The following SEZ6L2 variants were observed in gnomAD, a reference collection of about 807,000 sequenced individuals.
The protein encoded by SEZ6L2 is seizure related 6 homolog like 2, also known as seizure 6-like protein 2.
In SEZ6L2, 44 loss-of-function variants were observed where a neutral mutation model predicts 97.0. That is an observed-to-expected ratio of 0.45 (90% CI 0.36 to 0.58). SEZ6L2 has a LOEUF of 0.58. Ranked by LOEUF, SEZ6L2 falls within the 20% of genes least tolerant of loss-of-function variation. The pLI, the probability that SEZ6L2 is intolerant of heterozygous loss-of-function variation, is 0.00. For missense variants in SEZ6L2, 1,086 were observed against 1,233.3 expected, an observed-to-expected ratio of 0.88 and a Z score of 1.79; for synonymous variants, 543 against 546.1, an observed-to-expected ratio of 0.99 and a Z score of 0.08.
chr16:29,888,753 G>A lies in SEZ6L2; in HGVS notation c.854-28C>T, dbSNP rs375959718. ...GCACCAGACAGACAGCGGGTAGCAG[G>A]GCTCACTTTCCCATGCCACCCTCTC... On this transcript the variant is annotated intron_variant, in intron 5 of 17. Coordinates refer to ENST00000617533, the MANE Select transcript of SEZ6L2 (RefSeq NM_001243332.2). The A allele has an allele frequency of 3.2e-5, 51 of 1,586,138 alleles. 2 individuals carry two copies. The African/African-American group carries it at 4.7e-4, about 15-fold the overall frequency.
chr16:29,876,953 G>T lies in SEZ6L2; in HGVS notation c.1910-3C>A. 3 of 1,592,538 alleles carry T rather than the reference G, an allele frequency of 1.9e-6. No individual in the cohort carries two copies. Among genetic ancestry groups the T allele is most frequent in the Non-Finnish European group, 2.6e-6 (3 of 1,164,706 alleles). Reference sequence around the variant, plus strand: ...GCACGTGTCGTTCCTCGGGACCTCTGCAGGGGAGGGAAGGCGAGTTTGGAG... The same window carrying T: ...GCACGTGTCGTTCCTCGGGACCTCTTCAGGGGAGGGAAGGCGAGTTTGGAG... On this transcript the variant is annotated splice_polypyrimidine_tract_variant and splice_region_variant and intron_variant, in intron 11 of 17. Transcript: ENST00000617533. The surrounding 1 kb of genome is among the most constrained non-coding windows in gnomAD (Gnocchi z 6.5).
chr16:29,873,913 G>A lies in SEZ6L2; in HGVS notation c.2105-184C>T, dbSNP rs2067844212. On this transcript the variant is annotated intron_variant, in intron 12 of 17. Coordinates refer to ENST00000617533, the MANE Select transcript of SEZ6L2 (RefSeq NM_001243332.2). The surrounding 1 kb of genome is among the most constrained non-coding windows in gnomAD (Gnocchi z 4.3). ...CGCTCGAACCCAGCAGGTCGAGGCT[G>A]CAGTGAATGGTGACCACGCTACTGC... Among the ~76,000 whole-genome samples the A allele has an allele frequency of 6.6e-6, 1 of 152,130 alleles. No individual in the cohort carries two copies.
intron 10 of SEZ6L2, 61 bp downstream of exon 10, chr16:29,878,226 T>A: frequency 6.7e-7 from 1 of 1,493,848 alleles, no homozygotes; most frequent in Non-Finnish European, 9.0e-7. Flanking sequence ...GGCTACTGCA[T>A]TGGCATACCA....
Position 29,871,775 on chromosome 16 carries a change from G to A in SEZ6L2, c.2743-47C>T, listed in dbSNP as rs1288272869. ...CAGTTGTTGGAGTCTGATAGGGGTGGAAGAGGCAGCCGAATGGGAGGAGGG... is the reference window on the plus strand; with the variant it reads ...CAGTTGTTGGAGTCTGATAGGGGTGAAAGAGGCAGCCGAATGGGAGGAGGG... On this transcript the variant is annotated intron_variant, in intron 17 of 17. Transcript: ENST00000617533. 3.2e-6 allele frequency: 5 copies of A among 1,579,460 alleles called. No homozygotes were observed. In the African/African-American group the frequency reaches 5.4e-5, roughly 17 times the overall value.
At chr16:29,887,846 C>A in intron 6 of SEZ6L2, 29 bp from the exon 7 acceptor site, 1 of 1,610,988 alleles carries the variant, frequency 6.2e-7, no homozygotes, top group East Asian at 2.2e-5. Flanking sequence ...TACGTTAAGG[C>A]CAGCCTGAGG....
rs2067900899 is a variant in SEZ6L2 at position 29,876,244 on chromosome 16, C to T, written c.2104+512G>A. 6.6e-6 allele frequency among the ~76,000 whole-genome samples: 1 copy of T among 152,156 alleles called. No individual in the cohort carries two copies. Among genetic ancestry groups the T allele is most frequent in the South Asian group, 2.1e-4 (1 of 4,830 alleles). On this transcript the variant is annotated intron_variant, in intron 12 of 17. Transcript: ENST00000617533. This position sits in a 1 kb window ranked among gnomAD's most constrained non-coding sequence, Gnocchi z 6.5. ...CCCCCTTCGCCTAACCCCAACCCAG[C>T]ACGGGGCTTCAATGATGGCATTCAA...
chr16:29,883,185 G>T (rs2068063393), intron 8 of SEZ6L2, among the ~76,000 whole-genome samples: 1 of 152,018 alleles, frequency 6.6e-6, no homozygotes, highest in South Asian at 2.1e-4. Context: ...CATCTTTTTG[G>T]TCTCTCTCTT....
Position 29,876,719 on chromosome 16 carries a change from G to A in SEZ6L2, c.2104+37C>T. On this transcript the variant is annotated intron_variant, in intron 12 of 17. Coordinates refer to ENST00000617533, the MANE Select transcript of SEZ6L2 (RefSeq NM_001243332.2). The surrounding 1 kb of genome is among the most constrained non-coding windows in gnomAD (Gnocchi z 6.5). ...GCCGACGACGGGGCCCACAGGGAAG[G>A]GGCGGGGCCGAGGGGACGCGGGCGG... 1 of 1,502,356 alleles carries A rather than the reference G, an allele frequency of 6.7e-7. No individual in the cohort carries two copies. The highest frequency in any genetic ancestry group is 8.9e-7 in the Non-Finnish European group (1 of 1,121,096). The allele number at this position is 1,502,356 out of a possible 1,614,324, so 93.1% of individuals were successfully genotyped here.
At position 29,887,913 on chromosome 16, in the gene SEZ6L2, A is replaced by G. The variant is rs74017643; in HGVS notation, c.1040-96T>C. 32,331 of 1,381,274 alleles carry G rather than the reference A, an allele frequency of 0.023. 3,298 individuals are homozygous for G. The East Asian group carries it at 0.25, about 11-fold the overall frequency. 85.6% of individuals were successfully genotyped at this position (1,381,274 alleles called of 1,614,324 possible). On this transcript the variant is annotated intron_variant, in intron 6 of 17. Transcript: ENST00000617533. ...GTTTTCAGAACTGTTGCATTCACAC[A>G]TTTGGCTGGGACCCGGCCCAGGGCT...
In SEZ6L2 at chr16:29,899,170, C is replaced by T. The variant is rs1370791811; in HGVS notation, c.-151G>A. The T allele has an allele frequency of 4.7e-6, 3 of 640,336 alleles. No homozygotes were observed. Among genetic ancestry groups the T allele is most frequent in the Middle Eastern group, 3.6e-4 (1 of 2,796 alleles). 39.7% of individuals were successfully genotyped at this position (640,336 alleles called of 1,614,324 possible). On this transcript the variant is annotated 5_prime_UTR_variant, in exon 1 of 18. Coordinates refer to ENST00000617533, the MANE Select transcript of SEZ6L2 (RefSeq NM_001243332.2). ...CAGCAAAGAAAGACAATTTCTCTGC[C>T]CCTTGGGATGGAGGGGCAGAATTGG...
In SEZ6L2 at chr16:29,873,082, C is replaced by T. The variant is rs1408641467; in HGVS notation, c.2488+158G>A. 2.0e-5 allele frequency among the ~76,000 whole-genome samples: 3 copies of T among 152,226 alleles called. No homozygotes were observed. The highest frequency in any genetic ancestry group is 4.4e-5 in the Non-Finnish European group (3 of 68,024). On this transcript the variant is annotated intron_variant, in intron 14 of 17. Coordinates refer to ENST00000617533, the MANE Select transcript of SEZ6L2 (RefSeq NM_001243332.2). This position sits in a 1 kb window ranked among gnomAD's most constrained non-coding sequence, Gnocchi z 4.3. ...GCCAATCCCATGACCTCACACGACC[C>T]AGGGCTTCTGGACACACCCGTGAGG...
At chr16:29,877,135 C>G in intron 11 of SEZ6L2, 136 bp downstream of exon 11, 1 of 1,139,026 alleles carries the variant, frequency 8.8e-7, no homozygotes, top group Non-Finnish European at 1.2e-6. Flanking sequence ...GCCTCAACCT[C>G]CTGGCTTCAA....
intron 5 of SEZ6L2, among the ~76,000 whole-genome samples, chr16:29,890,280 G>C (rs182663762): frequency 8.6e-4 from 131 of 152,250 alleles, no homozygotes; most frequent in African/African-American, 3.0e-3. Context: ...GCTGAGGCGG[G>C]CGGATCACCT....
intron 8 of SEZ6L2, among the ~76,000 whole-genome samples, chr16:29,883,596 G>A (rs1472840651): frequency 6.6e-6 from 1 of 152,136 alleles, no homozygotes; most frequent in African/African-American, 2.4e-5. Context: ...TGGGATTAGA[G>A]ACACGAGTCA....
At chr16:29,895,932 CT>C in intron 3 of SEZ6L2, 72 bp from the exon 4 acceptor site, 1 of 1,445,402 alleles carries the variant, frequency 6.9e-7, no homozygotes, top group Non-Finnish European at 9.4e-7. Flanking sequence ...CAACTCTGGC[CT>C]TCATCTCCCT....
At chr16:29,885,998 G>C (rs1252490889) in intron 7 of SEZ6L2, 1 of 346,174 alleles carries the variant, frequency 2.9e-6, no homozygotes. Flanking sequence ...ACCTGTCCAA[G>C]GTCACAGAGC....
rs754084382 is a variant in SEZ6L2, at chr16:29,895,412, C to T, written c.700G>A (p.Gly234Ser). The T allele has an allele frequency of 4.0e-5, 65 of 1,613,970 alleles. No individual in the cohort carries two copies. Among genetic ancestry groups the T allele is most frequent in the Non-Finnish European group, 4.7e-5 (55 of 1,180,026 alleles). The change falls in exon 5 of 18, where the codon GGT becomes AGT. Residue 234 changes from glycine (G) to serine (S), a missense_variant. Gly to Ser is a moderately conservative substitution (Grantham distance 56, BLOSUM62 0). Around this residue, in one of 2 missense-constraint regions of SEZ6L2, gnomAD observed 776 missense variants for 794.7 expected, o/e 0.98. Coordinates refer to ENST00000617533, the MANE Select transcript of SEZ6L2 (RefSeq NM_001243332.2). ...GGGGCCAGGCCTGGGGATCCCCCAC[C>T]AGCCAGCACCAGGAGCTCCTCTTCC... is the stretch of plus-strand genomic sequence containing the variant. ...SQEEELLVLA[G>S]GGSPGLAPRL...
rs1311797112 is a variant in SEZ6L2 at position 29,897,009 on chromosome 16, G to C, written c.324C>G (p.Thr108=). ...PGTGPLTTAV[T]PNGVRGAGPT... is the part of the protein sequence containing the mutation. ...GGCCTGCCCCCCTGACCCCGTTAGG[G>C]GTGACGGCTGTTGTCAGAGGCCCTG... Residue 108 remains threonine, a synonymous_variant, in exon 3 of 18, where the codon ACC becomes ACG. Coordinates refer to ENST00000617533, the MANE Select transcript of SEZ6L2 (RefSeq NM_001243332.2). 2.5e-6 allele frequency: 4 copies of C among 1,584,462 alleles called. No homozygotes were observed. In the African/African-American group the frequency reaches 5.4e-5, roughly 21 times the overall value.
chr16:29,892,962 C>T (rs984733232), intron 5 of SEZ6L2, among the ~76,000 whole-genome samples: 1 of 152,134 alleles, frequency 6.6e-6, no homozygotes, highest in Non-Finnish European at 1.5e-5. Context: ...TGAATACAGC[C>T]CCCCTTTCCT....
Sources: allele counts gnomAD v4.1 joint callset (sites outside exome capture counted in the v4.1 genomes callset), GRCh38; gene constraint gnomAD v4.1.1; regional missense constraint gnomAD v4.1.1; non-coding constraint Gnocchi (gnomAD v3.1); transcripts MANE v1.5; gene names NCBI Gene and HGNC (gene_info 2026-07-23, HGNC 2026-07-21).